Variants in LGR4 observed in about 807,000 individuals in gnomAD.
The protein encoded by LGR4 is leucine-rich repeat-containing G protein-coupled receptor 4.
A neutral mutation model predicts 84.8 loss-of-function variants in LGR4; 44 were observed. The observed-to-expected ratio is 0.52, with a 90% CI of 0.41 to 0.67. LGR4 has a LOEUF of 0.67. Among genes scored for constraint, LGR4 ranks in the 30% least tolerant of loss-of-function variants. LGR4 has a pLI of 0.00. For synonymous variants in LGR4, 429 were observed against 434.3 expected (o/e 0.99, Z 0.15); for missense variants, 1,032 against 1,131.4 (o/e 0.91, Z 1.26).
At chr11:27,369,208 T>C in intron 17 of LGR4, 65 bp from the exon 18 acceptor site, 1 of 1,260,512 alleles carries the variant, frequency 7.9e-7, no homozygotes, top group Non-Finnish European at 1.1e-6. Context: ...TAGAAAATGA[T>C]ATGGCTTGAT....
intron 1 of LGR4, among the ~76,000 whole-genome samples, chr11:27,414,820 T>C (rs1352248978): frequency 6.6e-6 from 1 of 152,126 alleles, no homozygotes; most frequent in Admixed American, 6.6e-5. Flanking sequence ...TGGGCCTCCA[T>C]CTGCTCATCA....
At chr11:27,441,984 G>A (rs557049797) in intron 1 of LGR4, among the ~76,000 whole-genome samples, 6 of 152,306 alleles carry the variant, frequency 3.9e-5, no homozygotes, top group Admixed American at 2.0e-4. Context: ...CAGAGATTGT[G>A]AGTTAAGATG....
In LGR4 at chr11:27,369,156, C is replaced by A. The variant is rs1260618490; in HGVS notation, c.1580-13G>T. On this transcript the variant is annotated splice_polypyrimidine_tract_variant and intron_variant, in intron 17 of 17. Coordinates refer to ENST00000379214, the MANE Select transcript of LGR4 (RefSeq NM_018490.5). ...GGCTTAAAAGCACCTAAAAAAAACA[C>A]ACACAGAGAGAGAGAAATAAAAGAT... 1.3e-6 allele frequency: 2 copies of A among 1,558,750 alleles called. No individual in the cohort carries two copies. Among genetic ancestry groups the A allele is most frequent in the Non-Finnish European group, 1.7e-6 (2 of 1,156,202 alleles).
At position 27,373,649 on chromosome 11, in the gene LGR4, G is replaced by A; in HGVS notation, c.1281C>T (p.Ser427=). The A allele has an allele frequency of 6.3e-7, 1 of 1,586,642 alleles. No individual in the cohort carries two copies. The highest frequency in any genetic ancestry group is 8.6e-7 in the Non-Finnish European group (1 of 1,164,982). The change falls in exon 15 of 18, where the codon TCC becomes TCT. Residue 427 remains serine, a synonymous_variant. Transcript: ENST00000379214. ...NLDVSFNELT[S]FPTEGLNGLN... is the part of the protein sequence containing the mutation. ...GCCCATTCAGGCCTTCCGTAGGAAA[G>A]GAAGTTAATTCATTGAAACTTACAT...
chr11:27,391,278 G>C (rs570363117), intron 3 of LGR4, 113 bp from the exon 4 acceptor site: 19 of 587,176 alleles, frequency 3.2e-5, no homozygotes, highest in African/African-American at 2.9e-4. Context: ...TGGGAAAATG[G>C]GGGGGAGGTG....
intron 1 of LGR4, among the ~76,000 whole-genome samples, chr11:27,429,155 G>T (rs1864073551): frequency 1.3e-5 from 2 of 152,104 alleles, no homozygotes; most frequent in African/African-American, 4.8e-5. Flanking sequence ...AAAGAAAATG[G>T]CTGAGAAAAA....
At chr11:27,449,581 C>G (rs990795058) in intron 1 of LGR4, among the ~76,000 whole-genome samples, 38 of 148,794 alleles carry the variant, frequency 2.6e-4, no homozygotes, top group Admixed American at 1.5e-3. Flanking sequence ...GATGCTGTCT[C>G]TTAAAAAAAT....
chr11:27,418,316 A>G (rs1269495065), intron 1 of LGR4, among the ~76,000 whole-genome samples: 2 of 152,254 alleles, frequency 1.3e-5, no homozygotes, highest in African/African-American at 4.8e-5. Flanking sequence ...AAATGCGGCC[A>G]AAACAGTATA....
rs1486679844 is a variant in LGR4 at position 27,472,164 on chromosome 11, C to A, written c.139G>T (p.Gly47Trp). ...AGCCCCTCGGGCACGGCCGTCAGCC[C>A]CTTCCCGGAGCAGTCCACCCGACGG... ...GDRRVDCSGK[G>W]LTAVPEGLSA... The change falls in exon 1 of 18, where the codon GGG becomes TGG. Residue 47 changes from glycine to tryptophan, a missense_variant. Transcript: ENST00000379214. The A allele has an allele frequency of 9.1e-6, 13 of 1,422,300 alleles. No individual in the cohort carries two copies. Among genetic ancestry groups the A allele is most frequent in the Non-Finnish European group, 1.0e-5 (11 of 1,089,558 alleles). The allele number at this position is 1,422,300 out of a possible 1,614,324, so 88.1% of individuals were successfully genotyped here. A position where few individuals can be genotyped will look rare whatever the true frequency, so the allele number is the denominator to read the frequency against.
chr11:27,380,425 ATAAC>A, intron 9 of LGR4, 86 bp from the exon 10 acceptor site: 1 of 935,770 alleles, frequency 1.1e-6, no homozygotes, highest in South Asian at 1.6e-5. Flanking sequence ...CAGTGCAACT[ATAAC>A]TAAAAATAAA....
chr11:27,368,194 G>A lies in LGR4; in HGVS notation c.2529C>T (p.Tyr843=), dbSNP rs145204350. The A allele has an allele frequency of 6.7e-5, 108 of 1,614,082 alleles. No individual in the cohort carries two copies. Among genetic ancestry groups the A allele is most frequent in the South Asian group, 1.8e-4 (16 of 91,088 alleles). Residue 843 remains tyrosine, a synonymous_variant, in exon 18 of 18, where the codon TAC becomes TAT. Coordinates refer to ENST00000379214, the MANE Select transcript of LGR4 (RefSeq NM_018490.5). ...QGGCLEQDFY[Y]DCGMYSHLQG... The stretch of plus-strand genomic sequence containing the variant: ...GCAAATGTGAGTACATGCCACAGTC[G>A]TAGTAGAAATCCTGTTCCAGACAAC...
At chr11:27,419,899 A>G (rs1010319627) in intron 1 of LGR4, among the ~76,000 whole-genome samples, 2 of 152,010 alleles carry the variant, frequency 1.3e-5, no homozygotes, top group Non-Finnish European at 2.9e-5. Flanking sequence ...AGACACAGAA[A>G]ATTGATCAGT....
At chr11:27,471,059 T>G (rs1011944962) in intron 1 of LGR4, among the ~76,000 whole-genome samples, 5 of 152,282 alleles carry the variant, frequency 3.3e-5, no homozygotes, top group African/African-American at 9.6e-5. Context: ...GCTCCTGATT[T>G]AAGCATTCAG....
At chr11:27,379,050 G>A (rs1002943366) in intron 10 of LGR4, 2 of 393,494 alleles carry the variant, frequency 5.1e-6, no homozygotes, top group African/African-American at 4.2e-5. Flanking sequence ...CAGTCACACA[G>A]TCTGATCACA....
intron 1 of LGR4, among the ~76,000 whole-genome samples, chr11:27,414,938 G>A (rs1435958054): frequency 1.3e-5 from 2 of 152,062 alleles, no homozygotes; most frequent in African/African-American, 4.8e-5. Flanking sequence ...TTTATTCATG[G>A]AGGAGTCTAC....
intron 1 of LGR4, among the ~76,000 whole-genome samples, chr11:27,428,558 AG>A (rs1375869336): frequency 1.3e-5 from 2 of 152,356 alleles, no homozygotes; most frequent in African/African-American, 4.8e-5. Flanking sequence ...AGTATAAAAA[AG>A]TGATTGCAGA....
rs185482359 is a variant in LGR4, at chr11:27,437,972, C to T, written c.186-25112G>A. Among the ~76,000 whole-genome samples, 580 of 152,144 alleles carry T rather than the reference C, an allele frequency of 3.8e-3. 1 individual carries two copies. Among genetic ancestry groups the T allele is most frequent in the Middle Eastern group, 6.8e-3 (2 of 294 alleles). On this transcript the variant is annotated intron_variant, in intron 1 of 17. Transcript: ENST00000379214. ...TTAAGATTGCAGTGAGCTATGATCG[C>T]TCCAGTGCACTCCAGCCTGAGCAAC... is the stretch of plus-strand genomic sequence containing the variant.
chr11:27,367,919 C>G lies in LGR4; in HGVS notation c.2804G>C (p.Arg935Thr). Reference sequence around the variant, plus strand: ...AGCATAGCGCACCAAAGGGAATCCTCTACTCTGGTAGAAGCAGGCTCGTCC... The same window carrying G: ...AGCATAGCGCACCAAAGGGAATCCTGTACTCTGGTAGAAGCAGGCTCGTCC... ...ACGRACFYQS[R>T]GFPLVRYAYN... Residue 935 changes from arginine (R) to threonine (T), a missense_variant, in exon 18 of 18, where the codon AGA (arginine) becomes ACA (threonine). Physicochemically the swap from Arg to Thr is moderately conservative, Grantham distance 71. Transcript: ENST00000379214. 6.2e-7 allele frequency: 1 copy of G among 1,611,270 alleles called. No homozygotes were observed. Among genetic ancestry groups the G allele is most frequent in the Non-Finnish European group, 8.5e-7 (1 of 1,179,256 alleles).
Position 27,367,828 on chromosome 11 carries a change from A to T in LGR4, c.*39T>A. On this transcript the variant is annotated 3_prime_UTR_variant, in exon 18 of 18. Transcript: ENST00000379214. Reference sequence around the variant, plus strand: ...AATAGGGTTCACTCTATAAACACTGATTTTGGTTGACGGGGGAAACGGTTA... The same window carrying T: ...AATAGGGTTCACTCTATAAACACTGTTTTTGGTTGACGGGGGAAACGGTTA... 6.8e-7 allele frequency: 1 copy of T among 1,461,676 alleles called. No homozygotes were observed. Among genetic ancestry groups the T allele is most frequent in the Non-Finnish European group, 9.3e-7 (1 of 1,079,870 alleles). 90.5% of individuals were successfully genotyped at this position (1,461,676 alleles called of 1,614,324 possible).
Sources: gnomAD v4.1 joint callset for allele counts (sites outside exome capture counted in the v4.1 genomes callset) on GRCh38, gnomAD v4.1.1 for gene constraint, MANE v1.5 for transcripts, NCBI Gene and HGNC (gene_info 2026-07-23, HGNC 2026-07-21) for gene names.